Variants in SMIM35 observed in about 807,000 individuals in gnomAD.
SMIM35 encodes the protein small integral membrane protein 35.
chr11:118,040,165 G>C (rs534786645), intron 1 of SMIM35, among the ~76,000 whole-genome samples: 1 of 151,700 alleles, frequency 6.6e-6, no homozygotes, highest in Non-Finnish European at 1.5e-5. Flanking sequence ...GCAGTGAGCC[G>C]AGATCATGCC....
rs777963367 is a variant in SMIM35, at chr11:118,070,903, T to TA, written c.7+15847dup. Among the ~76,000 whole-genome samples, 7 of 152,156 alleles carry TA rather than the reference T, an allele frequency of 4.6e-5. No individual in the cohort carries two copies. The East Asian group carries it at 5.8e-4, about 13-fold the overall frequency. On this transcript the variant is annotated intron_variant, in intron 1 of 4. Transcript: ENST00000689828. ...TACGCAGGGCCCACCATGCATGGTC[T>TA]AGGGCAAAAGGCCTAGGCATCCTGG...
chr11:118,056,737 A>T (rs1198018278), intron 1 of SMIM35, among the ~76,000 whole-genome samples: 1 of 152,238 alleles, frequency 6.6e-6, no homozygotes. Flanking sequence ...GAAGATCCAG[A>T]CAGGGAAGGA....
At chr11:118,042,028 G>A (rs575341273) in intron 1 of SMIM35, among the ~76,000 whole-genome samples, 10 of 146,558 alleles carry the variant, frequency 6.8e-5, no homozygotes, top group African/African-American at 2.3e-4. Context: ...TCCAGCCTGG[G>A]CAACAGAGTG....
At chr11:118,007,753 G>A (rs915101609) in intron 4 of SMIM35, among the ~76,000 whole-genome samples, 2 of 152,092 alleles carry the variant, frequency 1.3e-5, no homozygotes, top group African/African-American at 2.4e-5. Context: ...TGCTTATCAT[G>A]AGAAACCGCA....
chr11:118,027,773 G>A (rs928896486), intron 1 of SMIM35, among the ~76,000 whole-genome samples: 1 of 152,132 alleles, frequency 6.6e-6, no homozygotes, highest in African/African-American at 2.4e-5. Context: ...TTATCCAAAA[G>A]CAGTTTCAGA....
At position 118,031,298 on chromosome 11, in the gene SMIM35, A is replaced by C. The variant is rs1048433674; in HGVS notation, c.8-15489T>G. ...GCAATGTCCCAATATCAACAGACAC[A>C]TCTACCACTAAGATCTTGGCTTCTG... On this transcript the variant is annotated intron_variant, in intron 1 of 4. Transcript: ENST00000689828. 2.0e-5 allele frequency among the ~76,000 whole-genome samples: 3 copies of C among 152,202 alleles called. No individual in the cohort carries two copies. The South Asian group carries it at 6.2e-4, about 32-fold the overall frequency.
At position 118,027,553 on chromosome 11, in the gene SMIM35, A is replaced by G. The variant is rs77918835; in HGVS notation, c.8-11744T>C. ...CTTAAAATTACTTGTTCTATAAAAC[A>G]ATTATACAGAAATAAACAAATTTTA... On this transcript the variant is annotated intron_variant, in intron 1 of 4. Coordinates refer to ENST00000689828, the MANE Select transcript of SMIM35 (RefSeq NM_001394165.1). 3.6e-3 allele frequency among the ~76,000 whole-genome samples: 548 copies of G among 152,330 alleles called. 5 individuals carry two copies. Among genetic ancestry groups the G allele is most frequent in the African/African-American group, 0.013 (526 of 41,572 alleles).
intron 1 of SMIM35, among the ~76,000 whole-genome samples, chr11:118,042,725 G>A (rs941097736): frequency 1.3e-5 from 2 of 152,154 alleles, no homozygotes; most frequent in Non-Finnish European, 2.9e-5. Context: ...AGGAATGATT[G>A]TATGTGGAAA....
Position 118,054,158 on chromosome 11 carries a change from T to A in SMIM35, c.7+32593A>T, listed in dbSNP as rs1215595805. On this transcript the variant is annotated intron_variant, in intron 1 of 4. Coordinates refer to ENST00000689828, the MANE Select transcript of SMIM35 (RefSeq NM_001394165.1). ...GCAGGGTTTTGGGGGTTTTTGGGAT[T>A]TTTTTGTTTTGTTTTTTTGTTTGTT... Among the ~76,000 whole-genome samples the A allele has an allele frequency of 3.5e-5, 4 of 114,926 alleles. No homozygotes were observed. In the Admixed American group the frequency reaches 3.5e-4, roughly 10 times the overall value. The allele number at this position is 114,926 out of a possible 152,430, so 75.4% of individuals were successfully genotyped here. A position where few individuals can be genotyped will look rare whatever the true frequency, so the allele number is the denominator to read the frequency against.
At chr11:118,063,650 G>A (rs892326966) in intron 1 of SMIM35, among the ~76,000 whole-genome samples, 2 of 152,166 alleles carry the variant, frequency 1.3e-5, no homozygotes, top group Admixed American at 1.3e-4. Context: ...TGGGTTTTAA[G>A]CCCCACCCCT....
At chr11:118,085,985 T>C (rs1435037171) in intron 1 of SMIM35, among the ~76,000 whole-genome samples, 2 of 152,198 alleles carry the variant, frequency 1.3e-5, no homozygotes, top group African/African-American at 4.8e-5. Flanking sequence ...GCAGAGGGAT[T>C]CCTAAGCACT....
chr11:118,011,011 C>G (rs2058147294), intron 4 of SMIM35, among the ~76,000 whole-genome samples: 1 of 152,206 alleles, frequency 6.6e-6, no homozygotes, highest in Non-Finnish European at 1.5e-5. Flanking sequence ...GAGCCCTCAA[C>G]AGAAACACGC....
intron 1 of SMIM35, among the ~76,000 whole-genome samples, chr11:118,028,320 T>C (rs2135050788): frequency 6.6e-6 from 1 of 152,364 alleles, no homozygotes; most frequent in African/African-American, 2.4e-5. Context: ...GAGAAAAACA[T>C]GCCCTAAGGC....
intron 1 of SMIM35, among the ~76,000 whole-genome samples, chr11:118,027,266 A>G (rs2058282764): frequency 6.6e-6 from 1 of 150,474 alleles, no homozygotes; most frequent in Non-Finnish European, 1.5e-5. Context: ...TGACCTCATG[A>G]TCCACCCGCC....
At chr11:118,074,767 A>G (rs1280890395) in intron 1 of SMIM35, among the ~76,000 whole-genome samples, 1 of 147,166 alleles carries the variant, frequency 6.8e-6, no homozygotes, top group African/African-American at 2.5e-5. Context: ...AAAAAAAAAG[A>G]ATGTGGGTTC....
At chr11:118,053,257 G>A (rs1009735043) in intron 1 of SMIM35, among the ~76,000 whole-genome samples, 1 of 151,688 alleles carries the variant, frequency 6.6e-6, no homozygotes, top group Non-Finnish European at 1.5e-5. Flanking sequence ...GCAGTGAGCC[G>A]AGATCATGCC....
chr11:118,073,672 C>T (rs796757436), intron 1 of SMIM35, among the ~76,000 whole-genome samples: 2 of 152,314 alleles, frequency 1.3e-5, no homozygotes, highest in African/African-American at 4.8e-5. Context: ...CAGGAGCAGC[C>T]GGGTGCCTGC....
chr11:118,029,353 G>T (rs561898242), intron 1 of SMIM35, among the ~76,000 whole-genome samples: 18 of 152,342 alleles, frequency 1.2e-4, no homozygotes, highest in Middle Eastern at 3.4e-3. Flanking sequence ...CTACTCAGGA[G>T]ACTGAGGTGG....
At chr11:118,072,120 A>T (rs1377062594) in intron 1 of SMIM35, among the ~76,000 whole-genome samples, 3 of 152,124 alleles carry the variant, frequency 2.0e-5, no homozygotes, top group African/African-American at 7.2e-5. Context: ...GGCTGGATGG[A>T]TGGGTGGATG....
Sources: gnomAD v4.1 joint callset for allele counts (sites outside exome capture counted in the v4.1 genomes callset) on GRCh38, gnomAD v4.1.1 for gene constraint, MANE v1.5 for transcripts, NCBI Gene and HGNC (gene_info 2026-07-23, HGNC 2026-07-21) for gene names.